Variants in ZNF618 observed in about 807,000 individuals in gnomAD.
The protein encoded by ZNF618 is zinc finger protein 618.
In ZNF618, 34 loss-of-function variants were observed where a neutral mutation model predicts 103.0. The observed-to-expected ratio is 0.33, with a 90% CI of 0.25 to 0.44. ZNF618 has a LOEUF of 0.44. Ranked by LOEUF, ZNF618 falls within the 20% of genes least tolerant of loss-of-function variation. ZNF618 has a pLI of 1.00. For synonymous variants in ZNF618, 551 were observed against 542.2 expected (o/e 1.02, Z -0.23); for missense variants, 1,059 against 1,295.4 (o/e 0.82, Z 2.80).
At chr9:113,994,810 A>G (rs1317094539) in intron 3 of ZNF618, among the ~76,000 whole-genome samples, 2 of 152,198 alleles carry the variant, frequency 1.3e-5, no homozygotes, top group South Asian at 2.1e-4. Context: ...TTTTTGCTCA[A>G]TACCTCCTAA....
intron 1 of ZNF618, among the ~76,000 whole-genome samples, chr9:113,923,717 A>G (rs890726145): frequency 2.6e-5 from 4 of 152,102 alleles, no homozygotes; most frequent in Non-Finnish European, 4.4e-5. Context: ...ACCTTTGTTC[A>G]GAAGAGACAT....
intron 10 of ZNF618, among the ~76,000 whole-genome samples, chr9:114,025,676 G>A (rs980316845): frequency 6.6e-6 from 1 of 151,028 alleles, no homozygotes; most frequent in African/African-American, 2.4e-5. Flanking sequence ...CCCACCCTGT[G>A]ACCCAGAATT....
rs752456752 is a variant in ZNF618 at position 114,016,774 on chromosome 9, C to T, written c.834C>T (p.His278=). Residue 278 remains histidine, a synonymous_variant, in exon 10 of 15, where the codon CAC becomes CAT. Transcript: ENST00000374126. ...YTPYQEHVAL[H]APISTAPGWE... Reference sequence around the variant, plus strand: ...CCTACCAGGAGCATGTGGCCTTACACGCCCCCATCAGTGAGTACCTCCTCC... The same window carrying T: ...CCTACCAGGAGCATGTGGCCTTACATGCCCCCATCAGTGAGTACCTCCTCC... The T allele has an allele frequency of 2.2e-5, 36 of 1,612,678 alleles. No homozygotes were observed. The highest frequency in any genetic ancestry group is 2.1e-4 in the South Asian group (19 of 90,712).
chr9:113,972,587 C>A (rs141041428), intron 2 of ZNF618, among the ~76,000 whole-genome samples: 10 of 152,002 alleles, frequency 6.6e-5, no homozygotes, highest in Admixed American at 6.6e-4. Context: ...GTTACAGGAG[C>A]CTGTTTGGGA....
rs114056611 is a variant in ZNF618, at chr9:113,916,447, C to T, written c.33+40034C>T. ...TAAAACTGATTTCAGTTTGACCCCT[C>T]ATAAGCTTCTCTTGCAGTTAGGAAA... On this transcript the variant is annotated intron_variant, in intron 1 of 14. Transcript: ENST00000374126. 1.9e-3 allele frequency among the ~76,000 whole-genome samples: 283 copies of T among 152,294 alleles called. 1 individual carries two copies. Among genetic ancestry groups the T allele is most frequent in the African/African-American group, 6.5e-3 (271 of 41,578 alleles).
intron 1 of ZNF618, among the ~76,000 whole-genome samples, chr9:113,933,043 G>A (rs1323846516): frequency 1.3e-5 from 2 of 152,138 alleles, no homozygotes; most frequent in African/African-American, 2.4e-5. Flanking sequence ...ATGCCAGAGG[G>A]GTCTTCAAAG....
chr9:113,936,120 C>A (rs1834008605), intron 1 of ZNF618, among the ~76,000 whole-genome samples: 1 of 152,018 alleles, frequency 6.6e-6, no homozygotes, highest in African/African-American at 2.4e-5. Context: ...ATGTCCTGTG[C>A]CACAGGCTGG....
chr9:113,957,345 C>T (rs1836405554), intron 1 of ZNF618, among the ~76,000 whole-genome samples: 1 of 152,090 alleles, frequency 6.6e-6, no homozygotes, highest in Non-Finnish European at 1.5e-5. Context: ...GAAACTAAGG[C>T]TGAGAGACAG....
intron 1 of ZNF618, among the ~76,000 whole-genome samples, chr9:113,887,727 TG>T (rs1292295479): frequency 2.0e-5 from 3 of 152,322 alleles, no homozygotes; most frequent in Admixed American, 2.0e-4. Flanking sequence ...TGGAGGTGGG[TG>T]AGCGGCCCAG....
intron 13 of ZNF618, among the ~76,000 whole-genome samples, chr9:114,041,092 CA>C (rs1845135633): frequency 6.6e-6 from 1 of 152,322 alleles, no homozygotes; most frequent in East Asian, 1.9e-4. Flanking sequence ...TGATGATGAG[CA>C]TTTTTTCATG....
intron 6 of ZNF618, among the ~76,000 whole-genome samples, chr9:114,003,553 A>G (rs1254564235): frequency 6.6e-6 from 1 of 152,258 alleles, no homozygotes; most frequent in Non-Finnish European, 1.5e-5. Flanking sequence ...AGCTACACAC[A>G]GCAACATGGA....
At chr9:113,960,563 G>A (rs767208083) in intron 1 of ZNF618, among the ~76,000 whole-genome samples, 3 of 152,330 alleles carry the variant, frequency 2.0e-5, no homozygotes, top group Middle Eastern at 3.4e-3. Flanking sequence ...AATGATTTAT[G>A]TTTTAACACT....
At chr9:114,018,316 C>T (rs1485519576) in intron 10 of ZNF618, among the ~76,000 whole-genome samples, 1 of 152,206 alleles carries the variant, frequency 6.6e-6, no homozygotes, top group Non-Finnish European at 1.5e-5. Flanking sequence ...AACACCATGG[C>T]CTGTGCCCCT....
At chr9:113,974,347 G>C (rs1395151466) in intron 2 of ZNF618, among the ~76,000 whole-genome samples, 2 of 152,238 alleles carry the variant, frequency 1.3e-5, no homozygotes, top group African/African-American at 4.8e-5. Flanking sequence ...CCTGGAGCTG[G>C]AGTAGCAGCA....
chr9:114,008,480 C>T lies in ZNF618; in HGVS notation c.680C>T (p.Pro227Leu). ...AGGGCCGTGTGTTCTCCCACAGACC[C>T]CTTCGACCAAGGTGTCGTGGCCACG... ...VEGAPENRAD[P>L]FDQGVVATDE... The change falls in exon 9 of 15, where the codon CCC becomes CTC. Residue 227 changes from proline (P) to leucine (L), a missense_variant. Pro to Leu is a moderately conservative substitution (Grantham distance 98). Coordinates refer to ENST00000374126, the MANE Select transcript of ZNF618 (RefSeq NM_001318042.2). The T allele has an allele frequency of 2.5e-6, 4 of 1,613,918 alleles. No homozygotes were observed. The highest frequency in any genetic ancestry group is 3.4e-6 in the Non-Finnish European group (4 of 1,179,856).
chr9:114,023,450 C>A (rs943953999), intron 10 of ZNF618, among the ~76,000 whole-genome samples: 7 of 152,088 alleles, frequency 4.6e-5, no homozygotes, highest in African/African-American at 1.4e-4. Context: ...ACATTTATGC[C>A]TATGTGTGTT....
intron 11 of ZNF618, among the ~76,000 whole-genome samples, chr9:114,032,416 G>A (rs1844162196): frequency 6.6e-6 from 1 of 152,066 alleles, no homozygotes; most frequent in African/African-American, 2.4e-5. Flanking sequence ...CACTCCCCCG[G>A]CCCCCGTGCC....
At chr9:114,015,989 A>G (rs4979324) in intron 9 of ZNF618, 527,597 of 824,946 alleles carry the variant, frequency 0.64, 172,032 homozygotes, top group East Asian at 0.71. Context: ...AAGAGTGGGG[A>G]CCAGGGCACC....
At chr9:114,039,713 G>A (rs1844963666) in intron 13 of ZNF618, among the ~76,000 whole-genome samples, 1 of 152,298 alleles carries the variant, frequency 6.6e-6, no homozygotes, top group African/African-American at 2.4e-5. Context: ...TTTTCTGTCT[G>A]TGAAGTGGGT....
Sources: gnomAD v4.1 joint callset for allele counts (sites outside exome capture counted in the v4.1 genomes callset) on GRCh38, gnomAD v4.1.1 for gene constraint, MANE v1.5 for transcripts, NCBI Gene and HGNC (gene_info 2026-07-23, HGNC 2026-07-21) for gene names.